SIK3: variants seen among roughly 807,000 people sequenced by gnomAD.
The protein encoded by SIK3 is SIK family kinase 3, also known as serine/threonine-protein kinase SIK3.
SIK3 carries 28 observed loss-of-function variants against 144.2 expected under a neutral mutation model. The ratio of observed to expected loss-of-function variants is 0.19; its 90% CI spans 0.14 to 0.27. SIK3 has a LOEUF of 0.27. SIK3 is among the 10% of genes least tolerant of loss of function. The pLI is 1.00. For synonymous variants in SIK3, 686 were observed against 676.3 expected (o/e 1.01, Z -0.22); for missense variants, 1,319 against 1,776.0 (o/e 0.74, Z 4.62).
Position 116,927,352 on chromosome 11 carries a change from T to G in SIK3, c.483A>C (p.Ala161=). ...TGAACTTCCGACGTGCCTCCTTTTC[T>G]GCCATTCTACCATGGGCCACCAGGT... The part of the protein sequence containing the change: ...FDHLVAHGRM[A]EKEARRKFKQ... Residue 161 remains alanine, a synonymous_variant, in exon 4 of 25, where the codon GCA becomes GCC. Transcript: ENST00000445177. 1 of 1,613,452 alleles carries G rather than the reference T, an allele frequency of 6.2e-7. No homozygotes were observed. Among genetic ancestry groups the G allele is most frequent in the South Asian group, 1.1e-5 (1 of 90,886 alleles).
intron 1 of SIK3, among the ~76,000 whole-genome samples, chr11:117,033,394 G>C (rs959939585): frequency 6.6e-6 from 1 of 152,050 alleles, no homozygotes; most frequent in African/African-American, 2.4e-5. Context: ...TACCCTCAAT[G>C]AACTACATAA....
intron 6 of SIK3, among the ~76,000 whole-genome samples, chr11:116,892,318 G>C (rs499910): frequency 6.6e-6 from 1 of 151,844 alleles, no homozygotes; most frequent in Non-Finnish European, 1.5e-5. Context: ...AGAATATGGC[G>C]TCTCAGAAGC....
chr11:116,857,933 T>C lies in SIK3; in HGVS notation c.3532A>G (p.Thr1178Ala). ...GATTCAGGGTCCCCAGGTCCACCGG[T>C]ACTCAAGAGCAGAGGGCTGTCATGG... Reference protein sequence around the residue: ...GCHDSPLLLSTGGPGDPESLL... With the variant: ...GCHDSPLLLSAGGPGDPESLL... Residue 1178 changes from threonine to alanine, a missense_variant, in exon 21 of 25, where the codon ACC becomes GCC. Thr to Ala is a moderately conservative substitution (Grantham distance 58). This residue lies in a region of SIK3 where 646 missense variants were observed against 763.7 expected (regional missense o/e 0.85). Coordinates refer to ENST00000445177, the MANE Select transcript of SIK3 (RefSeq NM_001366686.3). The C allele has an allele frequency of 6.2e-7, 1 of 1,614,178 alleles. No individual in the cohort carries two copies. Among genetic ancestry groups the C allele is most frequent in the Non-Finnish European group, 8.5e-7 (1 of 1,180,028 alleles).
At chr11:116,981,126 A>G (rs2135512593) in intron 1 of SIK3, among the ~76,000 whole-genome samples, 1 of 152,350 alleles carries the variant, frequency 6.6e-6, no homozygotes, top group East Asian at 1.9e-4. Context: ...TAGTGGATCA[A>G]AATAACAATA....
intron 1 of SIK3, among the ~76,000 whole-genome samples, chr11:117,007,274 A>T (rs1402165489): frequency 6.6e-6 from 1 of 152,180 alleles, no homozygotes; most frequent in Non-Finnish European, 1.5e-5. Context: ...GCTACTTGGG[A>T]GGCTGATGTG....
chr11:116,863,392 G>A (rs1374556530), intron 16 of SIK3, among the ~76,000 whole-genome samples: 2 of 152,078 alleles, frequency 1.3e-5, no homozygotes, highest in East Asian at 3.9e-4. Context: ...CTGGGACTAT[G>A]CTAATTTTTA....
At chr11:116,856,841 C>T (rs1211572356) in intron 21 of SIK3, 2 of 152,280 alleles carry the variant, frequency 1.3e-5, no homozygotes, top group Non-Finnish European at 2.9e-5. Context: ...TCAGCACTGA[C>T]TTTAAATGAC....
intron 1 of SIK3, among the ~76,000 whole-genome samples, chr11:117,081,130 G>A (rs1299176591): frequency 1.3e-5 from 2 of 151,928 alleles, no homozygotes; most frequent in Non-Finnish European, 2.9e-5. Context: ...TGGCAAACTA[G>A]ATTGTGGTAT....
At chr11:116,999,520 A>G (rs917160265) in intron 1 of SIK3, among the ~76,000 whole-genome samples, 1 of 152,180 alleles carries the variant, frequency 6.6e-6, no homozygotes, top group Non-Finnish European at 1.5e-5. Flanking sequence ...AGTGCAACAT[A>G]TTCATATGTC....
intron 1 of SIK3, among the ~76,000 whole-genome samples, chr11:116,965,755 AT>A (rs1252982005): frequency 0.13 from 1,530 of 12,058 alleles, 23 homozygotes; most frequent in Non-Finnish European, 0.23. Flanking sequence ...ATATATATAT[AT>A]ATATATATAT....
chr11:116,876,080 G>A (rs1944238043), intron 8 of SIK3, 71 bp from the exon 9 acceptor site: 2 of 1,582,492 alleles, frequency 1.3e-6, no homozygotes, highest in Middle Eastern at 1.7e-4. Context: ...AACCCTTTCA[G>A]TAATAACATT....
chr11:117,055,196 T>G (rs976018870), intron 1 of SIK3, among the ~76,000 whole-genome samples: 1 of 152,180 alleles, frequency 6.6e-6, no homozygotes, highest in African/African-American at 2.4e-5. Flanking sequence ...AATGTAGATT[T>G]CTAACAGGCA....
At chr11:117,007,347 C>T (rs1951088242) in intron 1 of SIK3, among the ~76,000 whole-genome samples, 1 of 152,222 alleles carries the variant, frequency 6.6e-6, no homozygotes, top group Non-Finnish European at 1.5e-5. Context: ...CACTGCACTC[C>T]AGCCTGGGTG....
intron 1 of SIK3, among the ~76,000 whole-genome samples, chr11:116,975,342 T>A (rs1223251383): frequency 2.0e-5 from 3 of 152,088 alleles, no homozygotes; most frequent in Non-Finnish European, 4.4e-5. Context: ...CATACCTGTT[T>A]AGCTGTCACT....
At chr11:116,946,630 A>C (rs1220292389) in intron 3 of SIK3, among the ~76,000 whole-genome samples, 1 of 152,302 alleles carries the variant, frequency 6.6e-6, no homozygotes, top group East Asian at 1.9e-4. Flanking sequence ...TCTAGAACAA[A>C]GGCAGTCAGT....
At chr11:117,058,993 C>T (rs949191183) in intron 1 of SIK3, among the ~76,000 whole-genome samples, 1 of 152,036 alleles carries the variant, frequency 6.6e-6, no homozygotes, top group African/African-American at 2.4e-5. Flanking sequence ...TAAAGTGATG[C>T]CAGGAAGAAT....
At chr11:117,097,212 T>C (rs913000659) in intron 1 of SIK3, among the ~76,000 whole-genome samples, 2 of 152,132 alleles carry the variant, frequency 1.3e-5, no homozygotes, top group South Asian at 2.1e-4. Flanking sequence ...TTCACTCCTA[T>C]AGCGCCTCAA....
chr11:116,972,834 C>T (rs528472775), intron 1 of SIK3, among the ~76,000 whole-genome samples: 23 of 152,162 alleles, frequency 1.5e-4, no homozygotes, highest in African/African-American at 5.5e-4. Flanking sequence ...AATGACAGAC[C>T]TATTCATGCC....
intron 16 of SIK3, 25 bp downstream of exon 16, chr11:116,863,643 G>A (rs1468304678): frequency 3.7e-6 from 6 of 1,613,400 alleles, no homozygotes; most frequent in Non-Finnish European, 4.2e-6. Flanking sequence ...GCTCCTCCAG[G>A]GATGCCTGCC....
Sources: gnomAD v4.1 joint callset for allele counts (sites outside exome capture counted in the v4.1 genomes callset) on GRCh38, gnomAD v4.1.1 for gene constraint, gnomAD v4.1.1 regional missense constraint, MANE v1.5 for transcripts, NCBI Gene and HGNC (gene_info 2026-07-23, HGNC 2026-07-21) for gene names.